GABRR2: variants seen among roughly 807,000 people sequenced by gnomAD.
GABRR2 encodes the protein gamma-aminobutyric acid receptor subunit rho-2.
Under a neutral mutation model 47.0 loss-of-function variants are expected in GABRR2, and 36 were observed. That is an observed-to-expected ratio of 0.77 (90% confidence interval 0.59 to 1.01). The LOEUF (loss-of-function observed/expected upper bound fraction) is 1.01, where lower values mean the gene tolerates loss of function less well. Among genes scored for constraint, GABRR2 ranks in the 50% least tolerant of loss-of-function variants. The pLI is 0.00. For synonymous variants in GABRR2, 204 were observed against 227.5 expected (o/e 0.90, Z 0.93); for missense variants, 587 against 594.6 (o/e 0.99, Z 0.13).
intron 2 of GABRR2, among the ~76,000 whole-genome samples, chr6:89,284,061 C>G (rs1232983776): frequency 6.6e-6 from 1 of 152,024 alleles, no homozygotes; most frequent in African/African-American, 2.4e-5. Context: ...GGGGTTGTTT[C>G]AAGAGAGAGG....
intron 2 of GABRR2, among the ~76,000 whole-genome samples, chr6:89,286,026 CAACA>C (rs61423084): frequency 0.59 from 88,336 of 150,848 alleles, 25,846 homozygotes; most frequent in East Asian, 0.69. Context: ...GCACCCCCAA[CAACA>C]AACAAACTCT....
At chr6:89,300,175 TAAAG>T (rs1251468382) in intron 1 of GABRR2, among the ~76,000 whole-genome samples, 3 of 151,984 alleles carry the variant, frequency 2.0e-5, no homozygotes, top group African/African-American at 4.8e-5. Flanking sequence ...GCTAGACTAA[TAAAG>T]AAGAAAAGGG....
chr6:89,287,825 G>A (rs1162773936), intron 2 of GABRR2, among the ~76,000 whole-genome samples: 1 of 152,220 alleles, frequency 6.6e-6, no homozygotes, highest in Non-Finnish European at 1.5e-5. Context: ...ATTGTTTACT[G>A]AGCACTTCCT....
chr6:89,262,690 C>T (rs542878030), intron 8 of GABRR2, among the ~76,000 whole-genome samples: 5 of 152,126 alleles, frequency 3.3e-5, no homozygotes, highest in African/African-American at 4.8e-5. Flanking sequence ...ACCAAAATGT[C>T]GTTACATGGC....
rs757397365 is a variant in GABRR2 at position 89,257,881 on chromosome 6, TGGCTTCTGGGGTACCCAGCCA to T, written c.1166_1186del (p.Leu389_Ser395del). On this transcript the variant is annotated inframe_deletion, in exon 9 of 9. Coordinates refer to ENST00000402938, the MANE Select transcript of GABRR2 (RefSeq NM_002043.5). ...TTGCCTTTCTTCTTCTGTCAGGATA[TGGCTTCTGGGGTACCCAGCCA>T]GGCTGTTGGCCTCAGACTCACTGTA... The T allele has an allele frequency of 3.0e-5, 49 of 1,613,962 alleles. No homozygotes were observed. In the African/African-American group the frequency reaches 6.4e-4, roughly 21 times the overall value.
intron 2 of GABRR2, among the ~76,000 whole-genome samples, chr6:89,296,406 C>A (rs1017100457): frequency 6.6e-6 from 1 of 152,212 alleles, no homozygotes; most frequent in Non-Finnish European, 1.5e-5. Context: ...CCCGTTTCAT[C>A]CAAGTGACAT....
intron 8 of GABRR2, among the ~76,000 whole-genome samples, chr6:89,260,760 T>G (rs1385405097): frequency 6.6e-6 from 1 of 152,174 alleles, no homozygotes; most frequent in East Asian, 1.9e-4. Context: ...AGACCCTGTC[T>G]CAAACCCGGG....
At chr6:89,275,633 T>C (rs935411246) in intron 2 of GABRR2, among the ~76,000 whole-genome samples, 6 of 152,148 alleles carry the variant, frequency 3.9e-5, no homozygotes, top group Non-Finnish European at 7.3e-5. Context: ...GGGGTCTAGG[T>C]GAAGCAGAGT....
intron 2 of GABRR2, among the ~76,000 whole-genome samples, chr6:89,299,256 T>C (rs1774607516): frequency 1.3e-5 from 2 of 152,106 alleles, no homozygotes. Context: ...AACAGGTGAC[T>C]CCATCAAAAC....
At chr6:89,303,099 C>A in intron 1 of GABRR2, 1 of 675,070 alleles carries the variant, frequency 1.5e-6, no homozygotes, top group Non-Finnish European at 2.5e-6. Flanking sequence ...AATTGGAGGC[C>A]CAGGGCCCCA....
chr6:89,263,333 G>A (rs4706338), intron 8 of GABRR2, among the ~76,000 whole-genome samples: 102,490 of 151,992 alleles, frequency 0.67, 35,159 homozygotes, highest in African/African-American at 0.77. Context: ...TGTATTAATC[G>A]ACTGTTTATC....
chr6:89,300,834 T>A (rs1325091429), intron 1 of GABRR2, among the ~76,000 whole-genome samples: 3 of 145,164 alleles, frequency 2.1e-5, no homozygotes, highest in Non-Finnish European at 4.5e-5. Context: ...CCATTCCTAC[T>A]AAAACTATTC....
At chr6:89,275,112 GA>G (rs887602923) in intron 2 of GABRR2, among the ~76,000 whole-genome samples, 1 of 151,944 alleles carries the variant, frequency 6.6e-6, no homozygotes, top group Non-Finnish European at 1.5e-5. Context: ...GCAAAACACT[GA>G]AAAAGATAAT....
At chr6:89,311,365 G>T (rs145948078) in intron 1 of GABRR2, among the ~76,000 whole-genome samples, 104 of 152,288 alleles carry the variant, frequency 6.8e-4, no homozygotes, top group African/African-American at 2.5e-3. Context: ...ACAAGAGAGA[G>T]ATTTAAATCC....
intron 2 of GABRR2, among the ~76,000 whole-genome samples, chr6:89,272,399 G>T (rs914142565): frequency 6.6e-6 from 1 of 152,218 alleles, no homozygotes; most frequent in African/African-American, 2.4e-5. Context: ...TGTCTGTGGG[G>T]TCCTGTCCTT....
rs533956276 is a variant in GABRR2 at position 89,291,584 on chromosome 6, C to T, written c.220+8175G>A. Among the ~76,000 whole-genome samples the T allele has an allele frequency of 3.3e-5, 5 of 152,214 alleles. No individual in the cohort carries two copies. The South Asian group carries it at 8.3e-4, about 25-fold the overall frequency. On this transcript the variant is annotated intron_variant, in intron 2 of 8. Transcript: ENST00000402938. ...CCTTCTTCTTGCCTTTTCCTCACCG[C>T]TGGTGCTCACACACTGGGTATCCTT...
At chr6:89,263,219 T>C (rs1773791669) in intron 8 of GABRR2, among the ~76,000 whole-genome samples, 1 of 152,248 alleles carries the variant, frequency 6.6e-6, no homozygotes, top group Non-Finnish European at 1.5e-5. Flanking sequence ...CCACTTCCAT[T>C]TCATGAATTG....
At chr6:89,267,296 T>G (rs1773920640) in intron 6 of GABRR2, among the ~76,000 whole-genome samples, 1 of 152,190 alleles carries the variant, frequency 6.6e-6, no homozygotes, top group African/African-American at 2.4e-5. Context: ...CTGAGCATGA[T>G]GGCTCACGCC....
At chr6:89,310,418 G>A (rs987064022) in intron 1 of GABRR2, among the ~76,000 whole-genome samples, 31 of 152,130 alleles carry the variant, frequency 2.0e-4, no homozygotes, top group African/African-American at 7.2e-4. Flanking sequence ...TCTGACAGGC[G>A]CTTCTCCACT....
Sources: allele counts gnomAD v4.1 joint callset (sites outside exome capture counted in the v4.1 genomes callset), GRCh38; gene constraint gnomAD v4.1.1; transcripts MANE v1.5; gene names NCBI Gene and HGNC (gene_info 2026-07-23, HGNC 2026-07-21).